Variants in VXN observed in about 807,000 individuals in gnomAD.
VXN encodes the protein uncharacterized protein C8orf46.
Under a neutral mutation model 23.1 loss-of-function variants are expected in VXN, and 7 were observed. The observed-to-expected ratio is 0.30, with a 90% CI of 0.17 to 0.57. VXN has a LOEUF of 0.57. Ranked by LOEUF, VXN falls within the 20% of genes least tolerant of loss-of-function variation. The probability of loss-of-function intolerance (pLI) is 0.91; values close to 1 mark genes in which losing one functional copy is unlikely to be tolerated. For synonymous variants in VXN, 120 were observed against 105.8 expected (o/e 1.13, Z -0.83); for missense variants, 238 against 272.6 (o/e 0.87, Z 0.89).
At chr8:66,514,984 A>G (rs1299419195) in intron 5 of VXN, among the ~76,000 whole-genome samples, 1 of 152,236 alleles carries the variant, frequency 6.6e-6, no homozygotes, top group Admixed American at 6.5e-5. Flanking sequence ...AAACCAAGTC[A>G]TGTGTTACTC....
At position 66,509,221 on chromosome 8, in the gene VXN, G is replaced by A. The variant is rs533722880; in HGVS notation, c.281-875G>A. Reference sequence around the variant, plus strand: ...AGGGGAGTTATTTCTAGATGCTGTAGTACAATCAGATGGGGCTTGTCCTGG... The same window carrying A: ...AGGGGAGTTATTTCTAGATGCTGTAATACAATCAGATGGGGCTTGTCCTGG... On this transcript the variant is annotated intron_variant, in intron 3 of 5. Transcript: ENST00000305454. Among the ~76,000 whole-genome samples the A allele has an allele frequency of 3.9e-4, 59 of 152,302 alleles. 1 individual carries two copies. The South Asian group carries it at 7.5e-3, about 19-fold the overall frequency.
intron 2 of VXN, among the ~76,000 whole-genome samples, chr8:66,504,961 C>G (rs995114500): frequency 6.6e-6 from 1 of 152,252 alleles, no homozygotes; most frequent in Non-Finnish European, 1.5e-5. Flanking sequence ...GCGTTGTCCA[C>G]TCAGCTACAA....
chr8:66,506,339 A>G (rs1807758905), intron 3 of VXN, among the ~76,000 whole-genome samples: 1 of 151,478 alleles, frequency 6.6e-6, no homozygotes. Context: ...GAATAACCTA[A>G]ACAACAATCT....
chr8:66,505,319 T>C (rs750478856), intron 2 of VXN, 56 bp from the exon 3 acceptor site: 12 of 1,554,986 alleles, frequency 7.7e-6, no homozygotes, highest in African/African-American at 2.7e-5. Context: ...TGGGGTTCCA[T>C]GGGTCCCTAG....
intron 3 of VXN, among the ~76,000 whole-genome samples, chr8:66,509,114 G>A (rs1334196134): frequency 2.6e-5 from 4 of 152,180 alleles, no homozygotes; most frequent in Admixed American, 6.5e-5. Context: ...TATTAGTTAC[G>A]CCAGGGCTCC....
At chr8:66,502,862 T>C (rs906475676) in intron 2 of VXN, among the ~76,000 whole-genome samples, 3 of 151,966 alleles carry the variant, frequency 2.0e-5, no homozygotes, top group Admixed American at 2.0e-4. Flanking sequence ...TTTTTTTTTT[T>C]TTAAGATGGG....
intron 2 of VXN, among the ~76,000 whole-genome samples, chr8:66,497,853 G>A (rs562392499): frequency 1.1e-4 from 17 of 151,176 alleles, no homozygotes; most frequent in Non-Finnish European, 1.9e-4. Flanking sequence ...ATGAGACCCC[G>A]ACTCTACAAA....
intron 1 of VXN, among the ~76,000 whole-genome samples, 178 bp from the exon 2 acceptor site, chr8:66,496,259 T>C (rs1337026441): frequency 6.6e-6 from 1 of 152,242 alleles, no homozygotes; most frequent in Admixed American, 6.5e-5. Context: ...AATGCAGCTA[T>C]GAACTTTGTA....
intron 1 of VXN, among the ~76,000 whole-genome samples, chr8:66,495,368 T>C (rs2130539497): frequency 6.6e-6 from 1 of 152,396 alleles, no homozygotes; most frequent in East Asian, 1.9e-4. Flanking sequence ...ACTTCTGCAC[T>C]GTGTGACCTT....
intron 4 of VXN, among the ~76,000 whole-genome samples, chr8:66,513,293 C>G (rs369487075): frequency 2.0e-4 from 31 of 152,316 alleles, no homozygotes; most frequent in African/African-American, 7.0e-4. Context: ...GCAGCACCAG[C>G]ACACCTGGGG....
intron 2 of VXN, 55 bp from the exon 3 acceptor site, chr8:66,505,320 G>GGGT (rs1298938988): frequency 3.2e-6 from 5 of 1,555,544 alleles, no homozygotes. Context: ...GGGGTTCCAT[G>GGGT]GGTCCCTAGG....
At chr8:66,499,887 CTTTA>C in intron 2 of VXN, among the ~76,000 whole-genome samples, 1 of 151,896 alleles carries the variant, frequency 6.6e-6, no homozygotes, top group South Asian at 2.1e-4. Flanking sequence ...ATTTTTAAAT[CTTTA>C]TTTATTATTA....
intron 4 of VXN, among the ~76,000 whole-genome samples, chr8:66,513,259 G>T (rs942925859): frequency 1.3e-5 from 2 of 152,168 alleles, no homozygotes; most frequent in African/African-American, 4.8e-5. Flanking sequence ...TAGGTCAGTG[G>T]CTCAAAGTGG....
Position 66,516,609 on chromosome 8 carries a change from T to C in VXN, c.*533T>C, listed in dbSNP as rs575407553. ...AGAGTATACTCAAGATTGATTTTCA[T>C]GGCCATTTGGCATGATTGCATGAAT... On this transcript the variant is annotated 3_prime_UTR_variant, in exon 6 of 6. Coordinates refer to ENST00000305454, the MANE Select transcript of VXN (RefSeq NM_152765.4). 1.3e-5 allele frequency: 2 copies of C among 152,386 alleles called. No homozygotes were observed. Among genetic ancestry groups the C allele is most frequent in the South Asian group, 4.1e-4 (2 of 4,824 alleles). 9.4% of individuals were successfully genotyped at this position (152,386 alleles called of 1,614,324 possible).
intron 4 of VXN, among the ~76,000 whole-genome samples, chr8:66,512,700 A>G (rs996685095): frequency 1.3e-5 from 2 of 152,270 alleles, no homozygotes; most frequent in Non-Finnish European, 2.9e-5. Context: ...GAGGACAGAG[A>G]AAGATCAACT....
Position 66,493,593 on chromosome 8 carries a change from G to A in VXN, c.-56G>A. 6.8e-7 allele frequency: 1 copy of A among 1,475,652 alleles called. No individual in the cohort carries two copies. Among genetic ancestry groups the A allele is most frequent in the Non-Finnish European group, 9.5e-7 (1 of 1,055,612 alleles). The allele number at this position is 1,475,652 out of a possible 1,614,324, so 91.4% of individuals were successfully genotyped here. A position where few individuals can be genotyped will look rare whatever the true frequency, so the allele number is the denominator to read the frequency against. On this transcript the variant is annotated 5_prime_UTR_variant, in exon 1 of 6. The change abolishes the stop of an existing upstream ORF in the 5' untranslated region. Coordinates refer to ENST00000305454, the MANE Select transcript of VXN (RefSeq NM_152765.4). Reference sequence around the variant, plus strand: ...ACTGGATTAGGATGCCTCGCGACTAGGGGTCCAGAGACAGAGGCCTCCAGT... The same window carrying A: ...ACTGGATTAGGATGCCTCGCGACTAAGGGTCCAGAGACAGAGGCCTCCAGT...
chr8:66,499,495 C>T (rs895709860), intron 2 of VXN, among the ~76,000 whole-genome samples: 3 of 152,048 alleles, frequency 2.0e-5, no homozygotes, highest in African/African-American at 7.2e-5. Context: ...TGCCTCCTCC[C>T]AAAGTGCTGG....
In VXN at chr8:66,505,436, A is replaced by ACCGCAGGGACCCTGGCGACCG. The variant is rs1454698341; in HGVS notation, c.196_216dup (p.Asp66_Arg72dup). On this transcript the variant is annotated inframe_insertion, in exon 3 of 6. Coordinates refer to ENST00000305454, the MANE Select transcript of VXN (RefSeq NM_152765.4). ...CTGGAGCTGCTGCCCCACCGCGGAG[A>ACCGCAGGGACCCTGGCGACCG]CCGCAGGGACCCTGGCGACCGCCGC... 1.9e-6 allele frequency: 3 copies of ACCGCAGGGACCCTGGCGACCG among 1,576,606 alleles called. No individual in the cohort carries two copies. Among genetic ancestry groups the ACCGCAGGGACCCTGGCGACCG allele is most frequent in the Non-Finnish European group, 2.6e-6 (3 of 1,161,830 alleles).
chr8:66,515,763 C>A, intron 5 of VXN, 130 bp from the exon 6 acceptor site: 1 of 771,728 alleles, frequency 1.3e-6, no homozygotes, highest in Non-Finnish European at 2.0e-6. Context: ...AGTGACCTTA[C>A]AGCTACGTGG....
Sources: gnomAD v4.1 joint callset for allele counts (sites outside exome capture counted in the v4.1 genomes callset) on GRCh38, gnomAD v4.1.1 for gene constraint, MANE v1.5 for transcripts, NCBI Gene and HGNC (gene_info 2026-07-23, HGNC 2026-07-21) for gene names.